The following GBE1 variants were observed in gnomAD, a reference collection of about 807,000 sequenced individuals.
GBE1 encodes the protein 1,4-alpha-glucan branching enzyme 1, also known as 1,4-alpha-glucan-branching enzyme.
GBE1 carries 70 observed loss-of-function variants against 88.8 expected under a neutral mutation model. That is an observed-to-expected ratio of 0.79 (90% CI 0.65 to 0.96). GBE1 has a LOEUF of 0.96. Ranked by LOEUF, GBE1 falls within the 40% of genes least tolerant of loss-of-function variation. The pLI is 0.00. For missense variants in GBE1, 872 were observed against 871.0 expected (o/e 1.00, Z -0.01); for synonymous variants, 284 against 300.1 (o/e 0.95, Z 0.56).
intron 1 of GBE1, among the ~76,000 whole-genome samples, chr3:81,715,808 ATAAAT>A (rs1034896740): frequency 1.3e-5 from 2 of 152,184 alleles, no homozygotes; most frequent in African/African-American, 4.8e-5. Flanking sequence ...CCCACAAAAA[ATAAAT>A]TATTTTATGA....
At chr3:81,594,299 C>T (rs904375700) in intron 7 of GBE1, among the ~76,000 whole-genome samples, 2 of 151,962 alleles carry the variant, frequency 1.3e-5, no homozygotes, top group African/African-American at 4.8e-5. Flanking sequence ...AATTCCAAAA[C>T]CAGAGACCCT....
intron 1 of GBE1, among the ~76,000 whole-genome samples, chr3:81,713,927 T>C (rs2107180378): frequency 6.6e-6 from 1 of 152,286 alleles, no homozygotes; most frequent in Middle Eastern, 3.4e-3. Context: ...ACTATGCTAG[T>C]CACTGAGAAT....
Position 81,694,180 on chromosome 3 carries a change from A to AG in GBE1, c.313+11263dup, listed in dbSNP as rs1705559545. On this transcript the variant is annotated intron_variant, in intron 2 of 15. Transcript: ENST00000429644. ...AGGAAGGATGGAAGGAAATGAGGGA[A>AG]GGGGGGAGAAAAGGAGTGGGAGGTA... Among the ~76,000 whole-genome samples the AG allele has an allele frequency of 2.0e-5, 3 of 151,720 alleles. No individual in the cohort carries two copies. The South Asian group carries it at 6.3e-4, about 32-fold the overall frequency.
At chr3:81,743,474 T>G in intron 1 of GBE1, 1 of 924,938 alleles carries the variant, frequency 1.1e-6, no homozygotes, top group Non-Finnish European at 1.7e-6. Flanking sequence ...AGTTTTAAGT[T>G]TTAACAGAGA....
chr3:81,639,840 CAT>C (rs1484875188), intron 7 of GBE1, among the ~76,000 whole-genome samples: 1 of 152,154 alleles, frequency 6.6e-6, no homozygotes, highest in Admixed American at 6.5e-5. Flanking sequence ...CCGTAGGTCA[CAT>C]GAGTGAACCA....
At chr3:81,530,190 CT>C (rs961367299) in intron 14 of GBE1, among the ~76,000 whole-genome samples, 54 of 151,816 alleles carry the variant, frequency 3.6e-4, no homozygotes, top group African/African-American at 1.1e-3. Context: ...TTCAATCTCT[CT>C]GTTAAATTCA....
intron 1 of GBE1, among the ~76,000 whole-genome samples, chr3:81,737,767 T>C (rs185498076): frequency 1.3e-5 from 2 of 152,278 alleles, no homozygotes; most frequent in Admixed American, 1.3e-4. Flanking sequence ...TGTTTATTAT[T>C]ATACTTTAAG....
chr3:81,625,392 C>G (rs924038582), intron 7 of GBE1, among the ~76,000 whole-genome samples: 3 of 152,012 alleles, frequency 2.0e-5, no homozygotes, highest in Admixed American at 6.6e-5. Context: ...GACAACTATT[C>G]CCTTACATCT....
chr3:81,664,202 C>A (rs899473031), intron 3 of GBE1, among the ~76,000 whole-genome samples: 1 of 152,054 alleles, frequency 6.6e-6, no homozygotes, highest in African/African-American at 2.4e-5. Context: ...AAGCAGTACT[C>A]TTTTTATGAA....
chr3:81,643,817 T>C (rs1704726668), intron 6 of GBE1, among the ~76,000 whole-genome samples: 1 of 152,158 alleles, frequency 6.6e-6, no homozygotes, highest in Non-Finnish European at 1.5e-5. Context: ...CAGCAAGAGC[T>C]GTCTTTTTAA....
intron 12 of GBE1, among the ~76,000 whole-genome samples, chr3:81,551,664 A>G (rs1167271278): frequency 6.6e-6 from 1 of 152,176 alleles, no homozygotes; most frequent in East Asian, 1.9e-4. Context: ...TGTTCATCTT[A>G]CTATGACTGA....
intron 1 of GBE1, among the ~76,000 whole-genome samples, chr3:81,722,330 T>C (rs1030048616): frequency 1.1e-4 from 17 of 152,150 alleles, no homozygotes; most frequent in African/African-American, 3.9e-4. Context: ...CATTTAATTA[T>C]GGATGTATAC....
intron 8 of GBE1, among the ~76,000 whole-genome samples, chr3:81,593,646 G>A (rs186782273): frequency 1.2e-3 from 179 of 152,002 alleles, no homozygotes; most frequent in Non-Finnish European, 2.1e-3. Flanking sequence ...TTCACATCCT[G>A]AGAGTGTTAC....
intron 14 of GBE1, among the ~76,000 whole-genome samples, chr3:81,501,638 T>G (rs1371622718): frequency 1.3e-5 from 2 of 150,804 alleles, no homozygotes; most frequent in Admixed American, 6.7e-5. Context: ...GAAAATTATT[T>G]AAGGTTGCAA....
At chr3:81,527,441 G>T (rs1232463627) in intron 14 of GBE1, among the ~76,000 whole-genome samples, 2 of 152,096 alleles carry the variant, frequency 1.3e-5, no homozygotes, top group African/African-American at 4.8e-5. Flanking sequence ...GCAACTTACA[G>T]AATGGGAGAA....
intron 3 of GBE1, among the ~76,000 whole-genome samples, chr3:81,651,599 T>C (rs991288363): frequency 6.6e-6 from 1 of 152,184 alleles, no homozygotes; most frequent in African/African-American, 2.4e-5. Flanking sequence ...CATGAATTTG[T>C]AGCATAATAT....
At chr3:81,652,822 G>A (rs1704869750) in intron 3 of GBE1, among the ~76,000 whole-genome samples, 1 of 152,112 alleles carries the variant, frequency 6.6e-6, no homozygotes, top group Non-Finnish European at 1.5e-5. Flanking sequence ...AAAGAGTAAA[G>A]ACTATAGCCT....
Position 81,567,377 on chromosome 3 carries a change from T to C in GBE1, c.1618+10548A>G, listed in dbSNP as rs139943043. 1.5e-3 allele frequency among the ~76,000 whole-genome samples: 223 copies of C among 152,360 alleles called. 2 individuals are homozygous for C. The highest frequency in any genetic ancestry group is 5.2e-3 in the African/African-American group (217 of 41,586). On this transcript the variant is annotated intron_variant, in intron 12 of 15. Transcript: ENST00000429644. ...TTCTTTTCTTCCTGGTTCATGGTTC[T>C]CAATTGCAGGAGCTGACCTCATTAG...
intron 1 of GBE1, among the ~76,000 whole-genome samples, chr3:81,707,631 G>A (rs1220811354): frequency 1.3e-5 from 2 of 151,824 alleles, no homozygotes; most frequent in African/African-American, 2.4e-5. Flanking sequence ...TGAGTGAAAG[G>A]GGGATGAAAT....
Sources: allele counts gnomAD v4.1 joint callset (sites outside exome capture counted in the v4.1 genomes callset), GRCh38; gene constraint gnomAD v4.1.1; transcripts MANE v1.5; gene names NCBI Gene and HGNC (gene_info 2026-07-23, HGNC 2026-07-21).